The following NUBP1 variants were observed in gnomAD, a reference collection of about 807,000 sequenced individuals.
The protein encoded by NUBP1 is NUBP iron-sulfur cluster assembly factor 1, cytosolic, also known as cytosolic Fe-S cluster assembly factor NUBP1.
NUBP1 carries 46 observed loss-of-function variants against 41.8 expected under a neutral mutation model. The observed-to-expected ratio is 1.10, with a 90% CI of 0.87 to 1.41. The LOEUF (loss-of-function observed/expected upper bound fraction) is 1.41. Among genes scored for constraint, NUBP1 ranks in the 40% most tolerant of loss-of-function variants. NUBP1 has a pLI of 0.00. For missense variants in NUBP1, 494 were observed against 414.0 expected, an observed-to-expected ratio of 1.19 and a Z score of -1.68; for synonymous variants, 189 against 154.6, an observed-to-expected ratio of 1.22 and a Z score of -1.65.
chr16:10,758,339 G>T (rs940993422), intron 7 of NUBP1, among the ~76,000 whole-genome samples: 4 of 152,174 alleles, frequency 2.6e-5, no homozygotes, highest in African/African-American at 4.8e-5. Flanking sequence ...CAGGCATGGT[G>T]GCTCGCGCCT....
chr16:10,768,396 C>T lies in NUBP1; in HGVS notation c.904+364C>T, dbSNP rs2031218012. ...GGCAGGCAGATCACTTGAGGCTGGT[C>T]AGGAGTTCAAGACCAGCCTGGCTAA... On this transcript the variant is annotated intron_variant, in intron 10 of 10. Transcript: ENST00000283027. The surrounding 1 kb of genome is among the most constrained non-coding windows in gnomAD (Gnocchi z 4.3). 1 of 170,830 alleles carries T rather than the reference C, an allele frequency of 5.9e-6. No homozygotes were observed. Among genetic ancestry groups the T allele is most frequent in the African/African-American group, 2.4e-5 (1 of 41,592 alleles). The allele number at this position is 170,830 out of a possible 1,614,324, so 10.6% of individuals were successfully genotyped here.
chr16:10,768,266 C>A lies in NUBP1; in HGVS notation c.904+234C>A. The stretch of plus-strand genomic sequence containing the variant: ...GAAATTTATGGCTTAGGAAATACAT[C>A]CCAATAAAGGGATAAAGTAATTCAT... On this transcript the variant is annotated intron_variant, in intron 10 of 10. Coordinates refer to ENST00000283027, the MANE Select transcript of NUBP1 (RefSeq NM_002484.4). This position sits in a 1 kb window ranked among gnomAD's most constrained non-coding sequence, Gnocchi z 4.3. 1 of 380,662 alleles carries A rather than the reference C, an allele frequency of 2.6e-6. No individual in the cohort carries two copies. Among genetic ancestry groups the A allele is most frequent in the Non-Finnish European group, 4.7e-6 (1 of 211,714 alleles). The allele number at this position is 380,662 out of a possible 1,614,324, so 23.6% of individuals were successfully genotyped here.
At chr16:10,761,030 TGA>T (rs1225856498) in intron 7 of NUBP1, 17 of 220,672 alleles carry the variant, frequency 7.7e-5, no homozygotes, top group South Asian at 2.0e-4. Context: ...GTGGCAGCAG[TGA>T]GAGAGAGAGT....
At position 10,765,307 on chromosome 16, in the gene NUBP1, C is replaced by G; in HGVS notation, c.821-2642C>G. On this transcript the variant is annotated intron_variant, in intron 9 of 10. Transcript: ENST00000283027. The surrounding 1 kb of genome is among the most constrained non-coding windows in gnomAD (Gnocchi z 4.0). ...CAACCATGCTCTAGCCTGGGTAACA[C>G]AGGAAGATACCTCATCTCTTAAAAA... 7.6e-6 allele frequency among the ~76,000 whole-genome samples: 1 copy of G among 131,638 alleles called. No homozygotes were observed. Among genetic ancestry groups the G allele is most frequent in the Non-Finnish European group, 1.6e-5 (1 of 64,018 alleles). 86.4% of individuals were successfully genotyped at this position (131,638 alleles called of 152,430 possible).
In NUBP1 at chr16:10,766,620, G is replaced by A. The variant is rs781304009; in HGVS notation, c.821-1329G>A. 23 of 204,212 alleles carry A rather than the reference G, an allele frequency of 1.1e-4. No individual in the cohort carries two copies. In the East Asian group the frequency reaches 1.2e-3, roughly 11 times the overall value. 12.7% of individuals were successfully genotyped at this position (204,212 alleles called of 1,614,324 possible). ...GTCTCATGGGCCCAGCGTTAACGGC[G>A]GAGGATGTCCAGGTTCTTGGTGTCT... On this transcript the variant is annotated intron_variant, in intron 9 of 10. Coordinates refer to ENST00000283027, the MANE Select transcript of NUBP1 (RefSeq NM_002484.4). This position sits in a 1 kb window ranked among gnomAD's most constrained non-coding sequence, Gnocchi z 4.8.
In NUBP1 at chr16:10,758,022, C is replaced by A; in HGVS notation, c.601C>A (p.Pro201Thr). The A allele has an allele frequency of 3.1e-6, 5 of 1,612,424 alleles. No homozygotes were observed. Among genetic ancestry groups the A allele is most frequent in the Non-Finnish European group, 2.5e-6 (3 of 1,178,744 alleles). ...HIDGAVIITTPQEVSLQDVRK... is the reference protein window; with the variant it reads ...HIDGAVIITTTQEVSLQDVRK... ...CGATGGAGCAGTGATCATCACCACT[C>A]CCCAGGTGAGCGAGCTGCCAGCTGG... The change falls in exon 7 of 11, where the codon CCC becomes ACC. Residue 201 changes from proline to threonine, a missense_variant. Physicochemically the swap from Pro to Thr is conservative, Grantham distance 38 (BLOSUM62 -1). Coordinates refer to ENST00000283027, the MANE Select transcript of NUBP1 (RefSeq NM_002484.4).
intron 2 of NUBP1, among the ~76,000 whole-genome samples, chr16:10,745,761 A>T (rs1323968027): frequency 6.6e-6 from 1 of 152,258 alleles, no homozygotes; most frequent in East Asian, 1.9e-4. Flanking sequence ...TAAAGTAAAC[A>T]TTCAAAAGAG....
At chr16:10,747,482 A>C (rs1453029957) in intron 3 of NUBP1, among the ~76,000 whole-genome samples, 1 of 152,224 alleles carries the variant, frequency 6.6e-6, no homozygotes, top group African/African-American at 2.4e-5. Context: ...AAAAATACAA[A>C]ATATTAGCTG....
rs552357808 is a variant in NUBP1 at position 10,768,169 on chromosome 16, G to A, written c.904+137G>A. The stretch of plus-strand genomic sequence containing the variant: ...GTGGCCCCCATAGCCGAGGAAGCCA[G>A]GAGTCCATGAGAAATCTCTCAATGT... On this transcript the variant is annotated intron_variant, in intron 10 of 10. Coordinates refer to ENST00000283027, the MANE Select transcript of NUBP1 (RefSeq NM_002484.4). The surrounding 1 kb of genome is among the most constrained non-coding windows in gnomAD (Gnocchi z 4.3). 5.9e-4 allele frequency: 397 copies of A among 676,370 alleles called. 1 individual carries two copies. The African/African-American group carries it at 6.7e-3, about 11-fold the overall frequency. The allele number at this position is 676,370 out of a possible 1,614,324, so 41.9% of individuals were successfully genotyped here. A position where few individuals can be genotyped will look rare whatever the true frequency, so the allele number is the denominator to read the frequency against.
chr16:10,756,304 G>A (rs200348172), intron 5 of NUBP1, among the ~76,000 whole-genome samples: 2 of 152,020 alleles, frequency 1.3e-5, no homozygotes, highest in Non-Finnish European at 2.9e-5. Context: ...GCTTGAACCC[G>A]GGAGGCAGAG....
At chr16:10,762,533 T>C (rs924343119) in intron 9 of NUBP1, among the ~76,000 whole-genome samples, 9 of 152,280 alleles carry the variant, frequency 5.9e-5, no homozygotes, top group African/African-American at 2.2e-4. Context: ...AGGAGGCTGC[T>C]GTCCCCCAGG....
chr16:10,751,835 G>C (rs1376256301), intron 3 of NUBP1, among the ~76,000 whole-genome samples: 1 of 152,186 alleles, frequency 6.6e-6, no homozygotes, highest in African/African-American at 2.4e-5. Flanking sequence ...TCAGCTAGAG[G>C]CTCCACTCTG....
rs894351216 is a variant in NUBP1, at chr16:10,757,134, T to C, written c.451+354T>C. Among the ~76,000 whole-genome samples the C allele has an allele frequency of 6.6e-5, 10 of 151,972 alleles. No homozygotes were observed. Among genetic ancestry groups the C allele is most frequent in the African/African-American group, 2.2e-4 (9 of 41,350 alleles). On this transcript the variant is annotated intron_variant, in intron 6 of 10. Transcript: ENST00000283027. This position sits in a 1 kb window ranked among gnomAD's most constrained non-coding sequence, Gnocchi z 4.1. ...CGCCGACATGGTGAAACCCTGTCTCTACCAAAAACATAAAAAATTAGCCGA... is the reference window on the plus strand; with the variant it reads ...CGCCGACATGGTGAAACCCTGTCTCCACCAAAAACATAAAAAATTAGCCGA...
At position 10,765,561 on chromosome 16, in the gene NUBP1, G is replaced by A. The variant is rs975970557; in HGVS notation, c.821-2388G>A. Among the ~76,000 whole-genome samples, 1 of 152,100 alleles carries A rather than the reference G, an allele frequency of 6.6e-6. No homozygotes were observed. The highest frequency in any genetic ancestry group is 1.9e-4 in the East Asian group (1 of 5,190). ...CTGACCCACCCAAATATGTCCACGG[G>A]CCCAGCCACAGGCCTGCCCTTGCCA... On this transcript the variant is annotated intron_variant, in intron 9 of 10. Coordinates refer to ENST00000283027, the MANE Select transcript of NUBP1 (RefSeq NM_002484.4). The surrounding 1 kb of genome is among the most constrained non-coding windows in gnomAD (Gnocchi z 4.0).
At position 10,766,440 on chromosome 16, in the gene NUBP1, GTGTGTTGGGGGC is replaced by G. The variant is rs1178167176; in HGVS notation, c.821-1506_821-1495del. 6.6e-6 allele frequency among the ~76,000 whole-genome samples: 1 copy of G among 152,184 alleles called. No homozygotes were observed. The highest frequency in any genetic ancestry group is 1.5e-5 in the Non-Finnish European group (1 of 68,042). ...GAAGGGAAAACACTAGAGCATATAT[GTGTGTTGGGGGC>G]TGGGGAGCCCTCTGGGGAAGGGAGA... On this transcript the variant is annotated intron_variant, in intron 9 of 10. Transcript: ENST00000283027. This position sits in a 1 kb window ranked among gnomAD's most constrained non-coding sequence, Gnocchi z 4.8.
rs941384142 is a variant in NUBP1, at chr16:10,766,672, A to T, written c.821-1277A>T. 3.1e-6 allele frequency: 1 copy of T among 317,498 alleles called. No individual in the cohort carries two copies. The highest frequency in any genetic ancestry group is 5.0e-5 in the East Asian group (1 of 20,012). 19.7% of individuals were successfully genotyped at this position (317,498 alleles called of 1,614,324 possible). A position where few individuals can be genotyped will look rare whatever the true frequency, so the allele number is the denominator to read the frequency against. ...GAACAAAAAATTGGACAAAACGCAC[A>T]AAGAAAGGAAGGAAGGAAGGGATTT... On this transcript the variant is annotated intron_variant, in intron 9 of 10. Transcript: ENST00000283027. The surrounding 1 kb of genome is among the most constrained non-coding windows in gnomAD (Gnocchi z 4.8).
intron 3 of NUBP1, among the ~76,000 whole-genome samples, chr16:10,748,843 A>G (rs1182997179): frequency 6.6e-6 from 1 of 152,106 alleles, no homozygotes; most frequent in Non-Finnish European, 1.5e-5. Flanking sequence ...TAATCACAGC[A>G]CTTTGGGAGG....
chr16:10,755,868 G>A (rs1408940968), intron 5 of NUBP1, 115 bp downstream of exon 5: 2 of 971,026 alleles, frequency 2.1e-6, no homozygotes, highest in East Asian at 2.6e-5. Context: ...GAGGCACAGA[G>A]GATGTGATTA....
In NUBP1 at chr16:10,752,611, T is replaced by C. The variant is rs1900370200; in HGVS notation, c.260T>C (p.Ile87Thr). Residue 87 changes from isoleucine to threonine, a missense_variant and splice_region_variant, in exon 4 of 11, where the codon ATT (isoleucine) becomes ACT (threonine). By Grantham distance (89) the Ile-to-Thr change is moderately conservative. Transcript: ENST00000283027. Reference protein sequence around the residue: ...HGLAEDENTQIALLDIDICGP... With the variant: ...HGLAEDENTQTALLDIDICGP... ...GCTTTGGTCTCTTCTTGTCCCCAGA[T>C]TGCTCTTCTAGACATCGATATATGT... 1 of 1,613,342 alleles carries C rather than the reference T, an allele frequency of 6.2e-7. No individual in the cohort carries two copies. Among genetic ancestry groups the C allele is most frequent in the Non-Finnish European group, 8.5e-7 (1 of 1,179,446 alleles).
Sources: gnomAD v4.1 joint callset for allele counts (sites outside exome capture counted in the v4.1 genomes callset) on GRCh38, gnomAD v4.1.1 for gene constraint, Gnocchi (gnomAD v3.1) non-coding constraint, MANE v1.5 for transcripts, NCBI Gene and HGNC (gene_info 2026-07-23, HGNC 2026-07-21) for gene names.